The following ERI3 variants were observed in gnomAD, a reference collection of about 807,000 sequenced individuals.
ERI3 encodes ERI1 exoribonuclease family member 3.
In ERI3, 18 loss-of-function variants were observed where a neutral mutation model predicts 44.4. The observed-to-expected ratio is 0.41, with a 90% CI of 0.28 to 0.60. The LOEUF is 0.60. Ranked by LOEUF, ERI3 falls within the 20% of genes least tolerant of loss-of-function variation. The pLI is 0.36. For missense variants in ERI3, 294 were observed against 435.5 expected, an observed-to-expected ratio of 0.68 and a Z score of 2.89; for synonymous variants, 183 against 164.8, an observed-to-expected ratio of 1.11 and a Z score of -0.84.
chr1:44,242,923 G>T (rs1644471925), intron 8 of ERI3, among the ~76,000 whole-genome samples: 1 of 152,102 alleles, frequency 6.6e-6, no homozygotes, highest in Admixed American at 6.5e-5. Flanking sequence ...AGTGAGCGTG[G>T]CGGCAGAGGC....
chr1:44,353,585 T>C lies in ERI3; in HGVS notation c.136-660A>G, dbSNP rs184075768. ...ACCATTCCACACATTTAAGACTTTC[T>C]TCTACTCAGATCCCCTGGGAAAAGG... On this transcript the variant is annotated intron_variant, in intron 1 of 8. Transcript: ENST00000372257. The C allele has an allele frequency of 5.1e-6, 5 of 985,454 alleles. No homozygotes were observed. In the East Asian group the frequency reaches 4.5e-4, roughly 89 times the overall value. 61.0% of individuals were successfully genotyped at this position (985,454 alleles called of 1,614,324 possible).
At chr1:44,314,155 G>GT (rs971932906) in intron 4 of ERI3, among the ~76,000 whole-genome samples, 15 of 149,768 alleles carry the variant, frequency 1.0e-4, no homozygotes, top group African/African-American at 3.0e-4. Flanking sequence ...AAGTGTGTTG[G>GT]GGGGGGGGAG....
At chr1:44,306,935 C>A (rs1240377640) in intron 6 of ERI3, among the ~76,000 whole-genome samples, 1 of 152,174 alleles carries the variant, frequency 6.6e-6, no homozygotes, top group South Asian at 2.1e-4. Context: ...ACATTAAGTC[C>A]CTTCCTCACT....
At chr1:44,338,791 G>A (rs1461393952) in intron 3 of ERI3, among the ~76,000 whole-genome samples, 1 of 152,038 alleles carries the variant, frequency 6.6e-6, no homozygotes, top group Admixed American at 6.6e-5. Context: ...AGGAAGGACG[G>A]GAGAAGGAAA....
Position 44,285,577 on chromosome 1 carries a change from C to A in ERI3, c.759-670G>T, listed in dbSNP as rs191530754. 4.6e-5 allele frequency among the ~76,000 whole-genome samples: 7 copies of A among 152,072 alleles called. No individual in the cohort carries two copies. The East Asian group carries it at 1.3e-3, about 29-fold the overall frequency. ...TCAAGGGTCTGTTCTTGTTTTTTTTCTTTAAATTAGAATTTATCAACTATC... is the reference window on the plus strand; with the variant it reads ...TCAAGGGTCTGTTCTTGTTTTTTTTATTTAAATTAGAATTTATCAACTATC... On this transcript the variant is annotated intron_variant, in intron 6 of 8. Transcript: ENST00000372257.
At chr1:44,251,565 G>A (rs1014655533) in intron 7 of ERI3, among the ~76,000 whole-genome samples, 23 of 152,328 alleles carry the variant, frequency 1.5e-4, no homozygotes, top group Admixed American at 1.4e-3. Flanking sequence ...ATGAAGACAA[G>A]CAGACCCTGG....
chr1:44,301,195 G>T (rs1015220907), intron 6 of ERI3, among the ~76,000 whole-genome samples: 2 of 152,154 alleles, frequency 1.3e-5, no homozygotes, highest in Admixed American at 1.3e-4. Context: ...GAGGGCTCTA[G>T]GGAAACTGAA....
rs1187103718 is a variant in ERI3, at chr1:44,339,285, T to A, written c.249A>T (p.Leu83Phe). The A allele has an allele frequency of 6.2e-7, 1 of 1,603,304 alleles. No individual in the cohort carries two copies. Among genetic ancestry groups the A allele is most frequent in the African/African-American group, 1.4e-5 (1 of 71,588 alleles). Residue 83 changes from leucine to phenylalanine, a missense_variant, in exon 3 of 9, where the codon TTA (leucine) becomes TTT (phenylalanine). Around this residue, in one of 2 missense-constraint regions of ERI3, gnomAD observed 187 missense variants for 338.6 expected, o/e 0.55. Coordinates refer to ENST00000372257, the MANE Select transcript of ERI3 (RefSeq NM_024066.3). ...DASGCSMLAP[L>F]QTGAARFSSY... ...AAGAAAATCGAGCTGCTCCAGTCTG[T>A]AAAGGTGCTAGCATTGAACATCCAG...
chr1:44,352,649 T>C (rs1407677058), intron 2 of ERI3, among the ~76,000 whole-genome samples: 1 of 152,190 alleles, frequency 6.6e-6, no homozygotes, highest in Non-Finnish European at 1.5e-5. Flanking sequence ...CTTACCACTT[T>C]AGAAACTTTA....
rs201268174 is a variant in ERI3, at chr1:44,224,932, A to AAT, written c.932-3294_932-3293dup. Among the ~76,000 whole-genome samples, 1,020 of 152,260 alleles carry AAT rather than the reference A, an allele frequency of 6.7e-3. 10 individuals carry two copies. The highest frequency in any genetic ancestry group is 0.023 in the African/African-American group (952 of 41,550). On this transcript the variant is annotated intron_variant, in intron 8 of 8. Coordinates refer to ENST00000372257, the MANE Select transcript of ERI3 (RefSeq NM_024066.3). ...TTTTCCAGCCCTTGAAGCCTTGACA[A>AAT]ATATATATATATTTTGTTTTTTAAA...
At chr1:44,222,330 C>T (rs1192421112) in intron 8 of ERI3, among the ~76,000 whole-genome samples, 1 of 152,230 alleles carries the variant, frequency 6.6e-6, no homozygotes, top group Non-Finnish European at 1.5e-5. Context: ...TAGCCTTGGC[C>T]ATCAGCCGTC....
At chr1:44,303,044 C>T (rs1349974034) in intron 6 of ERI3, among the ~76,000 whole-genome samples, 1 of 152,206 alleles carries the variant, frequency 6.6e-6, no homozygotes, top group African/African-American at 2.4e-5. Flanking sequence ...GTAATAAGTG[C>T]TCAATAAACA....
At chr1:44,324,129 T>C (rs1299483961) in intron 3 of ERI3, among the ~76,000 whole-genome samples, 1 of 152,182 alleles carries the variant, frequency 6.6e-6, no homozygotes, top group African/African-American at 2.4e-5. Context: ...CAGCACCTAA[T>C]TCCTATGCTG....
At chr1:44,298,040 G>A (rs1056058607) in intron 6 of ERI3, among the ~76,000 whole-genome samples, 20 of 152,246 alleles carry the variant, frequency 1.3e-4, no homozygotes, top group African/African-American at 4.8e-4. Flanking sequence ...AAGGACAGAA[G>A]AGCCTGGACA....
At chr1:44,310,975 A>ATG (rs1557841158) in intron 5 of ERI3, among the ~76,000 whole-genome samples, 3 of 108,918 alleles carry the variant, frequency 2.8e-5, no homozygotes, top group African/African-American at 9.3e-5. Flanking sequence ...ACACACACAC[A>ATG]CACACACACA....
chr1:44,263,739 T>C (rs1205598147), intron 7 of ERI3, among the ~76,000 whole-genome samples: 1 of 152,152 alleles, frequency 6.6e-6, no homozygotes, highest in African/African-American at 2.4e-5. Context: ...TCTATGCTGC[T>C]ATTGCCAAAC....
At chr1:44,257,324 C>T (rs1644802358) in intron 7 of ERI3, among the ~76,000 whole-genome samples, 1 of 151,920 alleles carries the variant, frequency 6.6e-6, no homozygotes, top group South Asian at 2.1e-4. Context: ...CCCAACCCAC[C>T]CCCATCCTAG....
intron 7 of ERI3, among the ~76,000 whole-genome samples, chr1:44,269,277 G>A (rs1645046029): frequency 6.6e-6 from 1 of 152,160 alleles, no homozygotes; most frequent in Non-Finnish European, 1.5e-5. Context: ...TGAGAAAACT[G>A]AGGACTCAGA....
At chr1:44,292,095 C>G (rs1300305577) in intron 6 of ERI3, among the ~76,000 whole-genome samples, 1 of 152,150 alleles carries the variant, frequency 6.6e-6, no homozygotes, top group African/African-American at 2.4e-5. Context: ...ATAAGGAGAT[C>G]GATTGAGACC....
Sources: gnomAD v4.1 joint callset for allele counts (sites outside exome capture counted in the v4.1 genomes callset) on GRCh38, gnomAD v4.1.1 for gene constraint, gnomAD v4.1.1 regional missense constraint, MANE v1.5 for transcripts, NCBI Gene and HGNC (gene_info 2026-07-23, HGNC 2026-07-21) for gene names.